The following UNC13B variants were observed in gnomAD, a reference collection of about 807,000 sequenced individuals.
The protein encoded by UNC13B is protein unc-13 homolog B.
In UNC13B, 144 loss-of-function variants were observed where a neutral mutation model predicts 211.0. The observed-to-expected ratio is 0.68, with a 90% CI of 0.60 to 0.78. The LOEUF is 0.78. Among genes scored for constraint, UNC13B ranks in the 30% least tolerant of loss-of-function variants. UNC13B has a pLI of 0.00. For synonymous variants in UNC13B, 709 were observed against 725.8 expected, an observed-to-expected ratio of 0.98 and a Z score of 0.37; for missense variants, 1,777 against 2,002.0, an observed-to-expected ratio of 0.89 and a Z score of 2.14.
At chr9:35,294,100 T>C (rs1274173265) in intron 7 of UNC13B, among the ~76,000 whole-genome samples, 1 of 151,214 alleles carries the variant, frequency 6.6e-6, no homozygotes, top group Non-Finnish European at 1.5e-5. Context: ...TACCAACTTG[T>C]CTAATGAAGC....
intron 7 of UNC13B, among the ~76,000 whole-genome samples, chr9:35,259,799 G>GC (rs1827152159): frequency 6.8e-6 from 1 of 146,656 alleles, no homozygotes; most frequent in African/African-American, 2.5e-5. Context: ...GGGGATGCGG[G>GC]GGGGGGGGAT....
At chr9:35,390,487 C>G (rs1327311891) in intron 25 of UNC13B, 142 bp from the exon 26 acceptor site, 2 of 914,674 alleles carry the variant, frequency 2.2e-6, no homozygotes, top group Non-Finnish European at 3.4e-6. Context: ...GGCCCCTTTT[C>G]TCCAGATTGG....
intron 5 of UNC13B, among the ~76,000 whole-genome samples, chr9:35,238,993 A>G (rs1825667136): frequency 6.6e-6 from 1 of 151,264 alleles, no homozygotes; most frequent in Non-Finnish European, 1.5e-5. Flanking sequence ...TAAATTTCTT[A>G]AAGTAGAATT....
chr9:35,353,656 G>T, intron 11 of UNC13B: 1 of 1,232,154 alleles, frequency 8.1e-7, no homozygotes, highest in Non-Finnish European at 1.0e-6. Context: ...AGGGCAGACT[G>T]AGCCTAGAGC....
intron 11 of UNC13B, among the ~76,000 whole-genome samples, chr9:35,345,041 G>T: frequency 6.6e-6 from 1 of 152,210 alleles, no homozygotes; most frequent in East Asian, 1.9e-4. Context: ...AGATGGGAAT[G>T]AGTTCTATGA....
chr9:35,386,433 A>T (rs1398259487), intron 24 of UNC13B, 140 bp downstream of exon 24: 2 of 1,157,338 alleles, frequency 1.7e-6, no homozygotes, highest in East Asian at 2.5e-5. Context: ...AGTATGAACC[A>T]TGTGGACCAT....
At chr9:35,314,112 C>T (rs1346283015) in intron 11 of UNC13B, 123 bp downstream of exon 11, 1 of 792,762 alleles carries the variant, frequency 1.3e-6, no homozygotes, top group Non-Finnish European at 2.2e-6. Flanking sequence ...GAATGCATGA[C>T]AATTAAGCCA....
At chr9:35,258,705 C>T (rs1381850346) in intron 6 of UNC13B, among the ~76,000 whole-genome samples, 1 of 152,224 alleles carries the variant, frequency 6.6e-6, no homozygotes, top group Non-Finnish European at 1.5e-5. Flanking sequence ...CAAACCTTCT[C>T]CAGCTGCCTG....
intron 6 of UNC13B, among the ~76,000 whole-genome samples, chr9:35,255,899 A>G (rs1826854903): frequency 6.6e-6 from 1 of 152,128 alleles, no homozygotes; most frequent in East Asian, 1.9e-4. Context: ...GAAAATAGCT[A>G]TTATCAATTT....
intron 23 of UNC13B, 88 bp from the exon 24 acceptor site, chr9:35,386,077 A>ATAG (rs1835169074): frequency 6.4e-7 from 1 of 1,572,926 alleles, no homozygotes; most frequent in Non-Finnish European, 8.6e-7. Context: ...GGATGAAAGA[A>ATAG]TCTAGAGTAG....
intron 13 of UNC13B, among the ~76,000 whole-genome samples, chr9:35,371,461 T>A (rs1476629742): frequency 6.6e-6 from 1 of 151,994 alleles, no homozygotes; most frequent in Non-Finnish European, 1.5e-5. Flanking sequence ...ATTACAGGCG[T>A]GAGCCACCAT....
chr9:35,352,800 T>A (rs75335170), intron 11 of UNC13B: 3 of 1,232,016 alleles, frequency 2.4e-6, no homozygotes, highest in Non-Finnish European at 3.0e-6. Flanking sequence ...CCCCATCAGT[T>A]TGAGGAACCT....
intron 1 of UNC13B, 36 bp downstream of exon 1, chr9:35,162,341 C>T (rs914748945): frequency 7.5e-5 from 114 of 1,525,004 alleles, no homozygotes; most frequent in Non-Finnish European, 9.4e-5. Context: ...GGCGGGGTGT[C>T]GGCGTAGAGG....
chr9:35,328,103 C>G (rs561010334), intron 11 of UNC13B, among the ~76,000 whole-genome samples: 1 of 152,312 alleles, frequency 6.6e-6, no homozygotes, highest in South Asian at 2.1e-4. Flanking sequence ...TCACTGCAAC[C>G]TCTGCCTCCC....
intron 7 of UNC13B, among the ~76,000 whole-genome samples, chr9:35,277,294 G>A (rs948020793): frequency 1.3e-5 from 2 of 152,174 alleles, no homozygotes; most frequent in African/African-American, 4.8e-5. Context: ...TTTCTCCAGA[G>A]CTTGTAGATT....
intron 1 of UNC13B, among the ~76,000 whole-genome samples, chr9:35,191,628 T>C (rs1349814510): frequency 1.3e-5 from 2 of 152,246 alleles, no homozygotes; most frequent in Non-Finnish European, 2.9e-5. Context: ...CTGCCCTTGA[T>C]GGATCAGCTG....
At chr9:35,248,889 G>C (rs1826274107) in intron 6 of UNC13B, among the ~76,000 whole-genome samples, 1 of 152,178 alleles carries the variant, frequency 6.6e-6, no homozygotes, top group South Asian at 2.1e-4. Context: ...GTGCAGAGCT[G>C]AGTTCAATTC....
intron 36 of UNC13B, among the ~76,000 whole-genome samples, 153 bp from the exon 37 acceptor site, chr9:35,400,143 A>G (rs561019427): frequency 6.6e-6 from 1 of 152,230 alleles, no homozygotes; most frequent in Admixed American, 6.5e-5. Context: ...CAAATACCCA[A>G]ATAATACTCA....
At position 35,259,007 on chromosome 9, in the gene UNC13B, A is replaced by G. The variant is rs1827099215; in HGVS notation, c.483A>G (p.Glu161=). Residue 161 remains glutamate (E), a synonymous_variant, in exon 7 of 40, where the codon GAA becomes GAG. Transcript: ENST00000635942. ...LGADNEYSSQ[E]ESQRKPLPTA... is the part of the protein sequence containing the mutation. ...TCTGCTTCTAGTATTCTAGTCAAGA[A>G]GAAAGCCAGAGGAAGCCATTGCCCA... The G allele has an allele frequency of 6.2e-7, 1 of 1,613,734 alleles. No individual in the cohort carries two copies. Among genetic ancestry groups the G allele is most frequent in the African/African-American group, 1.3e-5 (1 of 74,928 alleles).
Sources: allele counts gnomAD v4.1 joint callset (sites outside exome capture counted in the v4.1 genomes callset), GRCh38; gene constraint gnomAD v4.1.1; transcripts MANE v1.5; gene names NCBI Gene and HGNC (gene_info 2026-07-23, HGNC 2026-07-21).